The following REV3L variants were observed in gnomAD, a reference collection of about 807,000 sequenced individuals.
REV3L encodes REV3 like, DNA directed polymerase zeta catalytic subunit.
A neutral mutation model predicts 299.4 loss-of-function variants in REV3L; 69 were observed. That is an observed-to-expected ratio of 0.23 (90% confidence interval 0.19 to 0.28). The LOEUF is 0.28. REV3L is among the 10% of genes least tolerant of loss of function. REV3L has a pLI of 1.00. For missense variants in REV3L, 3,128 were observed against 3,693.8 expected, an observed-to-expected ratio of 0.85 and a Z score of 3.97; for synonymous variants, 1,238 against 1,271.4, an observed-to-expected ratio of 0.97 and a Z score of 0.56.
chr6:111,398,965 T>C (rs2128265475), intron 4 of REV3L, among the ~76,000 whole-genome samples: 1 of 152,298 alleles, frequency 6.6e-6, no homozygotes, highest in Non-Finnish European at 1.5e-5. Context: ...CAATTACTTT[T>C]GCAACAACCT....
intron 1 of REV3L, among the ~76,000 whole-genome samples, chr6:111,440,580 G>A (rs78344470): frequency 0.11 from 16,392 of 152,092 alleles, 1,168 homozygotes; most frequent in Middle Eastern, 0.22. Context: ...TTATCCCTAA[G>A]CTATAACTGA....
At chr6:111,414,439 T>G (rs1465380071) in intron 2 of REV3L, among the ~76,000 whole-genome samples, 1 of 152,092 alleles carries the variant, frequency 6.6e-6, no homozygotes, top group Non-Finnish European at 1.5e-5. Context: ...GTCACATAGG[T>G]TATGGCTAGA....
chr6:111,422,582 A>G (rs1437641144), intron 1 of REV3L, among the ~76,000 whole-genome samples: 1 of 40,634 alleles, frequency 2.5e-5, no homozygotes, highest in East Asian at 5.7e-4. Context: ...ATATACACAT[A>G]TATATATATA....
intron 31 of REV3L, among the ~76,000 whole-genome samples, 181 bp from the exon 32 acceptor site, chr6:111,300,337 T>G (rs1219666315): frequency 6.6e-6 from 1 of 152,216 alleles, no homozygotes; most frequent in East Asian, 1.9e-4. Context: ...GAGACATTTC[T>G]AAAGGATATT....
intron 21 of REV3L, among the ~76,000 whole-genome samples, chr6:111,341,758 G>GC (rs1328243987): frequency 2.3e-4 from 35 of 150,744 alleles, no homozygotes; most frequent in Admixed American, 5.9e-4. Flanking sequence ...GCAGGAGTTG[G>GC]GGGGGGTCAG....
Position 111,357,050 on chromosome 6 carries a change from T to C in REV3L, c.7148A>G (p.Lys2383Arg). The change falls in exon 18 of 32, where the codon AAG becomes AGG. Residue 2383 changes from lysine to arginine, a missense_variant. Coordinates refer to ENST00000368802, the MANE Select transcript of REV3L (RefSeq NM_001372078.1). Reference protein sequence around the residue: ...GLEVTYAADEKALFHEIANII... With the variant: ...GLEVTYAADERALFHEIANII... ...ATTTGCAATTTCATGAAAAAGTGCC[T>C]TCTCATCAGCAGCATAGGTGACTTC... 1 of 1,602,054 alleles carries C rather than the reference T, an allele frequency of 6.2e-7. No homozygotes were observed. The highest frequency in any genetic ancestry group is 2.2e-5 in the East Asian group (1 of 44,534).
At chr6:111,453,394 T>C (rs142204697) in intron 1 of REV3L, among the ~76,000 whole-genome samples, 427 of 152,258 alleles carry the variant, frequency 2.8e-3, no homozygotes, top group Non-Finnish European at 4.9e-3. Context: ...TATAGGAAAA[T>C]AGAGGTATCT....
At chr6:111,323,978 G>T (rs1024421610) in intron 25 of REV3L, among the ~76,000 whole-genome samples, 1 of 152,022 alleles carries the variant, frequency 6.6e-6, no homozygotes, top group Non-Finnish European at 1.5e-5. Context: ...AACGAGTTGG[G>T]ATTTATTTAT....
In REV3L at chr6:111,373,309, A is replaced by C. The variant is rs758553690; in HGVS notation, c.5046T>G (p.Val1682=). 6.2e-7 allele frequency: 1 copy of C among 1,614,064 alleles called. No individual in the cohort carries two copies. ...TAGCTTGTCCTGGAAAAAGATCCTG[A>C]ACAGCATCACTTAGGAACTTCTGAG... The part of the protein sequence containing the change: ...NLPQKFLSDA[V]QDLFPGQAIE... Residue 1682 remains valine, a synonymous_variant, in exon 13 of 32, where the codon GTT becomes GTG. Coordinates refer to ENST00000368802, the MANE Select transcript of REV3L (RefSeq NM_001372078.1).
intron 1 of REV3L, among the ~76,000 whole-genome samples, chr6:111,453,465 G>A (rs1789792549): frequency 6.6e-6 from 1 of 152,094 alleles, no homozygotes; most frequent in African/African-American, 2.4e-5. Context: ...ATACACTCAA[G>A]GTTGTACTGT....
intron 4 of REV3L, among the ~76,000 whole-genome samples, chr6:111,396,995 T>A (rs1193793879): frequency 2.0e-5 from 3 of 152,152 alleles, no homozygotes; most frequent in Non-Finnish European, 4.4e-5. Flanking sequence ...TTTTCATGTC[T>A]AATTTTATGT....
At chr6:111,448,986 G>C (rs1329293072) in intron 1 of REV3L, among the ~76,000 whole-genome samples, 1 of 151,964 alleles carries the variant, frequency 6.6e-6, no homozygotes, top group Non-Finnish European at 1.5e-5. Flanking sequence ...TTTTTTGAAA[G>C]AGCTTGTGGT....
chr6:111,420,569 C>G (rs1259203342), intron 1 of REV3L, among the ~76,000 whole-genome samples: 3 of 152,162 alleles, frequency 2.0e-5, no homozygotes, highest in Non-Finnish European at 4.4e-5. Context: ...GACAACAAGT[C>G]CAAGAGAAAT....
intron 7 of REV3L, among the ~76,000 whole-genome samples, chr6:111,388,500 G>A (rs1781567571): frequency 6.6e-6 from 1 of 152,130 alleles, no homozygotes; most frequent in South Asian, 2.1e-4. Flanking sequence ...GCTTACTGCT[G>A]TATTTTGAAA....
intron 25 of REV3L, among the ~76,000 whole-genome samples, chr6:111,323,888 T>C (rs931883899): frequency 1.5e-4 from 23 of 152,214 alleles, no homozygotes; most frequent in African/African-American, 5.3e-4. Flanking sequence ...GAATAGTATT[T>C]AAAAGGCTAT....
At chr6:111,413,104 G>A (rs986995416) in intron 2 of REV3L, among the ~76,000 whole-genome samples, 2 of 152,082 alleles carry the variant, frequency 1.3e-5, no homozygotes, top group African/African-American at 2.4e-5. Flanking sequence ...TGAAGAATTG[G>A]TTAAAGAAAG....
intron 1 of REV3L, among the ~76,000 whole-genome samples, chr6:111,436,242 G>A (rs989952056): frequency 6.6e-6 from 1 of 152,164 alleles, no homozygotes; most frequent in African/African-American, 2.4e-5. Flanking sequence ...GGAAAACTGT[G>A]TGGAGGTTCC....
intron 12 of REV3L, 142 bp downstream of exon 12, chr6:111,377,559 A>G: frequency 1.2e-6 from 1 of 827,878 alleles, no homozygotes; most frequent in South Asian, 1.9e-5. Flanking sequence ...CTGGTCTCGA[A>G]CTCCTGAATT....
chr6:111,477,927 AAAG>A (rs377313909), intron 1 of REV3L, among the ~76,000 whole-genome samples: 63 of 152,344 alleles, frequency 4.1e-4, no homozygotes, highest in Middle Eastern at 3.4e-3. Flanking sequence ...TGGATTATGA[AAAG>A]AAGTAGACGG....
Sources: gnomAD v4.1 joint callset for allele counts (sites outside exome capture counted in the v4.1 genomes callset) on GRCh38, gnomAD v4.1.1 for gene constraint, MANE v1.5 for transcripts, NCBI Gene and HGNC (gene_info 2026-07-23, HGNC 2026-07-21) for gene names.